The following APOBEC3G variants were observed in gnomAD, a reference collection of about 807,000 sequenced individuals.
APOBEC3G encodes the protein DNA dC->dU-editing enzyme APOBEC-3G.
APOBEC3G carries 44 observed loss-of-function variants against 50.0 expected under a neutral mutation model. That is an observed-to-expected ratio of 0.88 (90% CI 0.69 to 1.13). The LOEUF is 1.13. APOBEC3G is among the 50% of genes most tolerant of loss of function. APOBEC3G has a pLI of 0.00. For missense variants in APOBEC3G, 469 were observed against 492.0 expected (o/e 0.95, Z 0.44); for synonymous variants, 156 against 175.3 (o/e 0.89, Z 0.87).
At chr22:39,078,818 G>A in intron 1 of APOBEC3G, 114 bp from the exon 2 acceptor site, 4 of 1,425,406 alleles carry the variant, frequency 2.8e-6, no homozygotes, top group Non-Finnish European at 3.7e-6. Flanking sequence ...CTCAGGGGAG[G>A]GGAGGGATGG....
intron 2 of APOBEC3G, 196 bp from the exon 3 acceptor site, chr22:39,080,737 C>G: frequency 1.7e-6 from 1 of 604,022 alleles, no homozygotes; most frequent in Non-Finnish European, 2.9e-6. Flanking sequence ...CCTCTTAAGG[C>G]CATTACCATA....
At chr22:39,079,261 G>A (rs1399456028) in intron 2 of APOBEC3G, 176 bp downstream of exon 2, 23 of 904,102 alleles carry the variant, frequency 2.5e-5, no homozygotes, top group Non-Finnish European at 3.8e-5. Flanking sequence ...TCGGATCGTG[G>A]AGGGGGTTTG....
chr22:39,080,895 C>T (rs770182070), intron 2 of APOBEC3G, 38 bp from the exon 3 acceptor site: 1 of 1,568,728 alleles, frequency 6.4e-7, no homozygotes, highest in Admixed American at 1.8e-5. Context: ...CTCCTGCTCC[C>T]CCTCTCAGAG....
Position 39,079,174 on chromosome 22 carries a change from C to T in APOBEC3G, c.171+89C>T, listed in dbSNP as rs537231386. On this transcript the variant is annotated intron_variant, in intron 2 of 7. Coordinates refer to ENST00000407997, the MANE Select transcript of APOBEC3G (RefSeq NM_021822.4). ...CACTGATAAGTGAAGTGCCCGGCGGCGGGCTATCCAGTGTGTCCTTCTCTC... is the reference window on the plus strand; with the variant it reads ...CACTGATAAGTGAAGTGCCCGGCGGTGGGCTATCCAGTGTGTCCTTCTCTC... 7.8e-5 allele frequency: 115 copies of T among 1,468,178 alleles called. No individual in the cohort carries two copies. The highest frequency in any genetic ancestry group is 7.4e-4 in the Admixed American group (28 of 37,924). 90.9% of individuals were successfully genotyped at this position (1,468,178 alleles called of 1,614,324 possible).
At chr22:39,081,730 C>T (rs1335757568) in intron 4 of APOBEC3G, 145 bp downstream of exon 4, 3 of 651,372 alleles carry the variant, frequency 4.6e-6, no homozygotes, top group East Asian at 2.7e-5. Context: ...CTCGTGGTTA[C>T]ACTCCCTCAC....
chr22:39,080,998 G>A lies in APOBEC3G; in HGVS notation c.237G>A (p.Lys79=). The change falls in exon 3 of 8, where the codon AAG becomes AAA. Residue 79 remains lysine (K), a synonymous_variant. Coordinates refer to ENST00000407997, the MANE Select transcript of APOBEC3G (RefSeq NM_021822.4). ...RFFHWFSKWR[K]LHRDQEYEVT... ...TCCACTGGTTCAGCAAGTGGAGGAAGCTGCATCGTGACCAGGAGTATGAGG... is the reference window on the plus strand; with the variant it reads ...TCCACTGGTTCAGCAAGTGGAGGAAACTGCATCGTGACCAGGAGTATGAGG... The A allele has an allele frequency of 6.2e-7, 1 of 1,614,112 alleles. No individual in the cohort carries two copies. The highest frequency in any genetic ancestry group is 2.2e-5 in the East Asian group (1 of 44,874).
At chr22:39,084,310 A>C (rs1220841581) in intron 5 of APOBEC3G, among the ~76,000 whole-genome samples, 1 of 152,128 alleles carries the variant, frequency 6.6e-6, no homozygotes, top group Admixed American at 6.5e-5. Flanking sequence ...TGGCGATCAC[A>C]AGGTCAGGAG....
At chr22:39,083,289 A>T (rs73887543) in intron 4 of APOBEC3G, 1 of 154,758 alleles carries the variant, frequency 6.5e-6, no homozygotes, top group African/African-American at 2.4e-5. Context: ...GGTCCCGCTC[A>T]GGAGTGTCTC....
In APOBEC3G at chr22:39,086,296, T is replaced by G. The variant is rs1341093878; in HGVS notation, c.753T>G (p.Gly251=). The change falls in exon 6 of 8, where the codon GGT becomes GGG. Residue 251 remains glycine, a synonymous_variant. Transcript: ENST00000407997. ...FLCNQAPHKH[G]FLEGRHAELC... ...TTTTCTAGGCTCCACATAAACACGG[T>G]TTCCTTGAAGGCCGCCATGCAGAGC... 3 of 1,583,280 alleles carry G rather than the reference T, an allele frequency of 1.9e-6. No individual in the cohort carries two copies. Among genetic ancestry groups the G allele is most frequent in the Non-Finnish European group, 1.7e-6 (2 of 1,163,234 alleles).
rs772537820 is a variant in APOBEC3G, at chr22:39,087,133, GCTT to G, written c.1140+12_1140+14del. On this transcript the variant is annotated splice_region_variant and intron_variant, in intron 7 of 7. Transcript: ENST00000407997. ...GCTGCGGGCCATTCTCCAGGTGAGG[GCTT>G]CTTCCCTCTGCCCAGTGCCCCATCG... 2.5e-6 allele frequency: 4 copies of G among 1,613,992 alleles called. No homozygotes were observed. Among genetic ancestry groups the G allele is most frequent in the Non-Finnish European group, 3.4e-6 (4 of 1,179,982 alleles).
At chr22:39,077,510 A>C (rs569111425) in intron 1 of APOBEC3G, 132 bp downstream of exon 1, 4 of 1,466,440 alleles carry the variant, frequency 2.7e-6, no homozygotes, top group East Asian at 2.5e-5. Flanking sequence ...ACTCCCCTGC[A>C]CCCCCTACTC....
chr22:39,087,250 C>T, intron 7 of APOBEC3G, 124 bp downstream of exon 7: 1 of 1,598,862 alleles, frequency 6.3e-7, no homozygotes, highest in South Asian at 1.1e-5. Flanking sequence ...GGGCACCTGT[C>T]TCTGTCCCTC....
chr22:39,081,014 G>C lies in APOBEC3G; in HGVS notation c.253G>C (p.Glu85Gln). 6.2e-7 allele frequency: 1 copy of C among 1,614,120 alleles called. No homozygotes were observed. ...GTGGAGGAAGCTGCATCGTGACCAGGAGTATGAGGTCACCTGGTACATATC... is the reference window on the plus strand; with the variant it reads ...GTGGAGGAAGCTGCATCGTGACCAGCAGTATGAGGTCACCTGGTACATATC... ...SKWRKLHRDQ[E>Q]YEVTWYISWS... The change falls in exon 3 of 8, where the codon GAG (glutamate) becomes CAG (glutamine). Residue 85 changes from glutamate (E) to glutamine (Q), a missense_variant. Glu to Gln is a conservative substitution (Grantham distance 29). Transcript: ENST00000407997.
intron 1 of APOBEC3G, among the ~76,000 whole-genome samples, chr22:39,077,998 A>G (rs934278564): frequency 2.0e-5 from 3 of 152,182 alleles, no homozygotes; most frequent in African/African-American, 7.2e-5. Flanking sequence ...GGTGGCTCAC[A>G]CCTGTCATCC....
chr22:39,077,988 G>A (rs568376737), intron 1 of APOBEC3G, among the ~76,000 whole-genome samples: 76 of 152,318 alleles, frequency 5.0e-4, no homozygotes, highest in African/African-American at 1.7e-3. Flanking sequence ...GGCCGGGTGC[G>A]GTGGCTCACA....
At chr22:39,084,817 A>G (rs892994376) in intron 5 of APOBEC3G, among the ~76,000 whole-genome samples, 4 of 152,256 alleles carry the variant, frequency 2.6e-5, no homozygotes, top group Non-Finnish European at 5.9e-5. Context: ...GAGCTGGGCC[A>G]GGCCAGGCCG....
chr22:39,078,710 C>A, intron 1 of APOBEC3G: 1 of 533,466 alleles, frequency 1.9e-6, no homozygotes, highest in Non-Finnish European at 3.2e-6. Flanking sequence ...TTTATTCTGT[C>A]TCTCTCTCTC....
rs749405831 is a variant in APOBEC3G at position 39,083,720 on chromosome 22, C to A, written c.582-11C>A. ...GCTCTTACTCCTCTGGGCTTTTCCCCCACTTTCCAGACACTCGATGGATCC... is the reference window on the plus strand; with the variant it reads ...GCTCTTACTCCTCTGGGCTTTTCCCACACTTTCCAGACACTCGATGGATCC... On this transcript the variant is annotated splice_polypyrimidine_tract_variant and intron_variant, in intron 4 of 7. Coordinates refer to ENST00000407997, the MANE Select transcript of APOBEC3G (RefSeq NM_021822.4). 3.1e-6 allele frequency: 5 copies of A among 1,613,184 alleles called. No homozygotes were observed. The South Asian group carries it at 5.5e-5, about 18-fold the overall frequency.
chr22:39,079,684 A>C (rs1177203085), intron 2 of APOBEC3G: 3 of 152,172 alleles, frequency 2.0e-5, no homozygotes, highest in African/African-American at 7.2e-5. Context: ...ATTAACATAA[A>C]ATTCTTGACA....
Sources: allele counts gnomAD v4.1 joint callset (sites outside exome capture counted in the v4.1 genomes callset), GRCh38; gene constraint gnomAD v4.1.1; transcripts MANE v1.5; gene names NCBI Gene and HGNC (gene_info 2026-07-23, HGNC 2026-07-21).